The following THBS4 variants were observed in gnomAD, a reference collection of about 807,000 sequenced individuals.
THBS4 encodes thrombospondin-4.
Under a neutral mutation model 115.7 loss-of-function variants are expected in THBS4, and 90 were observed. That is an observed-to-expected ratio of 0.78 (90% CI 0.66 to 0.93). The LOEUF (loss-of-function observed/expected upper bound fraction) is 0.93. THBS4 is among the 40% of genes least tolerant of loss of function. The pLI is 0.00. For missense variants in THBS4, 1,087 were observed against 1,232.7 expected (o/e 0.88, Z 1.77); for synonymous variants, 460 against 479.3 (o/e 0.96, Z 0.53).
intron 1 of THBS4, among the ~76,000 whole-genome samples, chr5:79,994,343 C>G (rs1831746911): frequency 1.3e-5 from 2 of 152,142 alleles, no homozygotes; most frequent in South Asian, 2.1e-4. Context: ...ATACTCTTAA[C>G]CACTGTGTCA....
At chr5:80,028,417 T>A (rs1380525000) in intron 2 of THBS4, among the ~76,000 whole-genome samples, 2 of 152,044 alleles carry the variant, frequency 1.3e-5, no homozygotes, top group Non-Finnish European at 2.9e-5. Flanking sequence ...GTCAAAATAG[T>A]CGATACTATA....
At chr5:79,991,718 T>A (rs1356942371) in intron 1 of THBS4, among the ~76,000 whole-genome samples, 2 of 152,190 alleles carry the variant, frequency 1.3e-5, no homozygotes, top group Non-Finnish European at 2.9e-5. Flanking sequence ...CAACCCTGCT[T>A]AAAAGTTACA....
chr5:80,055,588 T>C (rs426623), intron 2 of THBS4, among the ~76,000 whole-genome samples, 197 bp from the exon 3 acceptor site: 82,035 of 151,580 alleles, frequency 0.54, 22,486 homozygotes, highest in African/African-American at 0.63. Flanking sequence ...TGGTTCCCAG[T>C]GCCTGAAAAC....
At position 80,035,475 on chromosome 5, in the gene THBS4, G is replaced by A. The variant is rs1832683503; in HGVS notation, c.-63G>A. 3.4e-6 allele frequency: 4 copies of A among 1,181,940 alleles called. No individual in the cohort carries two copies. The East Asian group carries it at 1.3e-4, about 38-fold the overall frequency. The allele number at this position is 1,181,940 out of a possible 1,614,324, so 73.2% of individuals were successfully genotyped here. A position where few individuals can be genotyped will look rare whatever the true frequency, so the allele number is the denominator to read the frequency against. ...ACCGAGGTTCAACGCACGGCCCGGG[G>A]ACCCCCAGGCGGGGCCAACGCCGCC... On this transcript the variant is annotated 5_prime_UTR_variant, in exon 1 of 22. Transcript: ENST00000350881. This position sits in a 1 kb window ranked among gnomAD's most constrained non-coding sequence, Gnocchi z 4.6.
intron 1 of THBS4, among the ~76,000 whole-genome samples, chr5:80,039,044 T>G (rs1832809602): frequency 6.6e-6 from 1 of 152,242 alleles, no homozygotes; most frequent in South Asian, 2.1e-4. Context: ...ATTGTAATTC[T>G]TTTTATGTAA....
upstream of THBS4, among the ~76,000 whole-genome samples, chr5:80,033,566 C>T (rs889289201): frequency 6.6e-6 from 1 of 152,160 alleles, no homozygotes; most frequent in African/African-American, 2.4e-5. Context: ...AGTAAATACT[C>T]TAGTGTCTAC....
At chr5:80,079,378 A>G in intron 19 of THBS4, 120 bp downstream of exon 19, 1 of 1,107,640 alleles carries the variant, frequency 9.0e-7, no homozygotes, top group Non-Finnish European at 1.2e-6. Context: ...ATTTATGCTA[A>G]CGTTAGAGTC....
chr5:80,024,188 C>T (rs775787080), intron 2 of THBS4, among the ~76,000 whole-genome samples: 2 of 152,168 alleles, frequency 1.3e-5, no homozygotes, highest in Non-Finnish European at 2.9e-5. Context: ...GTCCCATTAG[C>T]ATCTTCATCT....
In THBS4 at chr5:80,083,171, G is replaced by A. The variant is rs373926008; in HGVS notation, c.*30G>A. 25 of 1,579,238 alleles carry A rather than the reference G, an allele frequency of 1.6e-5. No homozygotes were observed. The highest frequency in any genetic ancestry group is 2.2e-5 in the East Asian group (1 of 44,722). On this transcript the variant is annotated 3_prime_UTR_variant, in exon 22 of 22. Coordinates refer to ENST00000350881, the MANE Select transcript of THBS4 (RefSeq NM_003248.6). Reference sequence around the variant, plus strand: ...AGGAAGCAATCTGTAACTGCTTTTCGGAACACTAAAACCATATATATTTTA... The same window carrying A: ...AGGAAGCAATCTGTAACTGCTTTTCAGAACACTAAAACCATATATATTTTA...
chr5:80,044,685 A>G (rs1010176891), intron 2 of THBS4, among the ~76,000 whole-genome samples: 11 of 151,994 alleles, frequency 7.2e-5, no homozygotes, highest in African/African-American at 2.4e-4. Flanking sequence ...TCGGCCTCCT[A>G]AATTGCTGGG....
intron 2 of THBS4, among the ~76,000 whole-genome samples, chr5:80,043,092 CAGA>C (rs1363497046): frequency 2.6e-5 from 4 of 152,092 alleles, no homozygotes; most frequent in Non-Finnish European, 4.4e-5. Context: ...ACTGTGGGGG[CAGA>C]AGGAGTCCTG....
At chr5:80,041,502 A>G (rs1832901412) in intron 2 of THBS4, among the ~76,000 whole-genome samples, 1 of 152,172 alleles carries the variant, frequency 6.6e-6, no homozygotes, top group African/African-American at 2.4e-5. Flanking sequence ...TAACTCCTTA[A>G]GCACCTACCT....
intron 2 of THBS4, among the ~76,000 whole-genome samples, chr5:80,025,793 C>T (rs1832465365): frequency 6.6e-6 from 1 of 152,178 alleles, no homozygotes; most frequent in Admixed American, 6.5e-5. Flanking sequence ...ATTCCAAATT[C>T]CTCTACTACA....
intron 2 of THBS4, among the ~76,000 whole-genome samples, chr5:80,051,026 C>A (rs1266901981): frequency 1.3e-5 from 2 of 152,104 alleles, no homozygotes; most frequent in Non-Finnish European, 2.9e-5. Context: ...ACAAAATGGT[C>A]ATCTTCCTCC....
chr5:80,007,323 C>G (rs998125761), intron 2 of THBS4, among the ~76,000 whole-genome samples: 1 of 152,196 alleles, frequency 6.6e-6, no homozygotes, highest in African/African-American at 2.4e-5. Context: ...TTTTCCAACT[C>G]TGATATTTTG....
At chr5:80,069,829 T>A (rs1164278002) in intron 10 of THBS4, among the ~76,000 whole-genome samples, 1 of 152,200 alleles carries the variant, frequency 6.6e-6, no homozygotes, top group African/African-American at 2.4e-5. Context: ...TGATTGAGAA[T>A]AAGCAGGCTG....
At chr5:80,059,982 C>A in intron 7 of THBS4, 77 bp downstream of exon 7, 1 of 1,443,984 alleles carries the variant, frequency 6.9e-7, no homozygotes, top group South Asian at 1.2e-5. Flanking sequence ...AGAAGCCAAG[C>A]TGATGATTAA....
chr5:80,047,024 A>C (rs557936625), intron 2 of THBS4, among the ~76,000 whole-genome samples: 164 of 152,362 alleles, frequency 1.1e-3, no homozygotes, highest in Non-Finnish European at 2.0e-3. Context: ...AGCAAATTGC[A>C]GAAGTTCAGG....
chr5:80,014,377 A>G (rs977339699), intron 2 of THBS4, among the ~76,000 whole-genome samples: 1 of 152,218 alleles, frequency 6.6e-6, no homozygotes, highest in African/African-American at 2.4e-5. Flanking sequence ...GGTACTGATG[A>G]TTCCAGCAGT....
Sources: allele counts gnomAD v4.1 joint callset (sites outside exome capture counted in the v4.1 genomes callset), GRCh38; gene constraint gnomAD v4.1.1; non-coding constraint Gnocchi (gnomAD v3.1); transcripts MANE v1.5; gene names NCBI Gene and HGNC (gene_info 2026-07-23, HGNC 2026-07-21).